Variants in KPNA6 observed in about 807,000 individuals in gnomAD.
KPNA6 encodes importin subunit alpha-7.
In KPNA6, 9 loss-of-function variants were observed where a neutral mutation model predicts 72.0. The ratio of observed to expected loss-of-function variants is 0.13; its 90% CI spans 0.08 to 0.22. The LOEUF (loss-of-function observed/expected upper bound fraction) is 0.22. Among genes scored for constraint, KPNA6 ranks in the 10% least tolerant of loss-of-function variants. The pLI is 1.00. For synonymous variants in KPNA6, 219 were observed against 242.1 expected (o/e 0.90, Z 0.89); for missense variants, 374 against 655.7 (o/e 0.57, Z 4.69).
intron 1 of KPNA6, among the ~76,000 whole-genome samples, chr1:32,116,296 T>C (rs1386785091): frequency 1.3e-5 from 2 of 151,466 alleles, no homozygotes; most frequent in Admixed American, 1.3e-4. Flanking sequence ...GCCTCCTGAG[T>C]AGCGCCCGGC....
Position 32,154,834 on chromosome 1 carries a change from A to G in KPNA6, c.138+113A>G, listed in dbSNP as rs1642107558. The G allele has an allele frequency of 3.9e-5, 42 of 1,085,976 alleles. No individual in the cohort carries two copies. In the South Asian group the frequency reaches 5.8e-4, roughly 15 times the overall value. 67.3% of individuals were successfully genotyped at this position (1,085,976 alleles called of 1,614,324 possible). ...TAGAAAAGTAGCTTACTAGGTGGGCATGGTGGCTCATGTCTGTAATCCCAG... is the reference window on the plus strand; with the variant it reads ...TAGAAAAGTAGCTTACTAGGTGGGCGTGGTGGCTCATGTCTGTAATCCCAG... On this transcript the variant is annotated intron_variant, in intron 2 of 13. Coordinates refer to ENST00000373625, the MANE Select transcript of KPNA6 (RefSeq NM_012316.5).
intron 1 of KPNA6, among the ~76,000 whole-genome samples, chr1:32,138,529 G>C (rs1018635564): frequency 7.2e-6 from 1 of 138,028 alleles, no homozygotes; most frequent in Admixed American, 7.7e-5. Context: ...GGCAACAAGA[G>C]CGAAACTCCA....
chr1:32,162,611 C>T (rs1257649415), intron 9 of KPNA6, 87 bp downstream of exon 9: 15 of 1,427,988 alleles, frequency 1.1e-5, no homozygotes, highest in South Asian at 3.5e-5. Flanking sequence ...CCAAGGTGGG[C>T]GGATCACAAG....
chr1:32,146,315 T>G (rs777533480), intron 1 of KPNA6, among the ~76,000 whole-genome samples: 2 of 152,198 alleles, frequency 1.3e-5, no homozygotes, highest in Non-Finnish European at 2.9e-5. Context: ...ATTGCATATG[T>G]TTTTTAATAG....
At chr1:32,150,785 C>T (rs945481266) in intron 1 of KPNA6, among the ~76,000 whole-genome samples, 3 of 152,138 alleles carry the variant, frequency 2.0e-5, no homozygotes, top group African/African-American at 7.2e-5. Flanking sequence ...TGCCACCAAG[C>T]TCAGCTAATT....
intron 1 of KPNA6, among the ~76,000 whole-genome samples, chr1:32,145,570 C>G (rs1641916196): frequency 6.6e-6 from 1 of 151,954 alleles, no homozygotes; most frequent in African/African-American, 2.4e-5. Flanking sequence ...AGTGATCTGC[C>G]CACCTCGGCC....
chr1:32,142,255 CAAA>C (rs763008502), intron 1 of KPNA6, among the ~76,000 whole-genome samples: 1,097 of 55,244 alleles, frequency 0.02, 11 homozygotes, highest in African/African-American at 0.073. Context: ...GACCCTGTCT[CAAA>C]AAAAAAAAAA....
At chr1:32,124,413 C>T (rs1429399658) in intron 1 of KPNA6, among the ~76,000 whole-genome samples, 1 of 151,440 alleles carries the variant, frequency 6.6e-6, no homozygotes, top group Admixed American at 6.6e-5. Context: ...AGATGGCTCA[C>T]GCCTATAATC....
chr1:32,158,179 G>A (rs1301727544), intron 4 of KPNA6, 88 bp from the exon 5 acceptor site: 7 of 780,584 alleles, frequency 9.0e-6, no homozygotes, highest in East Asian at 7.4e-5. Context: ...GTGGTCAGAA[G>A]TGTCTAAGAA....
Position 32,142,181 on chromosome 1 carries a change from C to G in KPNA6, c.5-12407C>G, listed in dbSNP as rs113010788. Among the ~76,000 whole-genome samples the G allele has an allele frequency of 4.7e-5, 7 of 147,842 alleles. No individual in the cohort carries two copies. The Admixed American group carries it at 4.8e-4, about 10-fold the overall frequency. On this transcript the variant is annotated intron_variant, in intron 1 of 13. Coordinates refer to ENST00000373625, the MANE Select transcript of KPNA6 (RefSeq NM_012316.5). Reference sequence around the variant, plus strand: ...TGAGGCAGGAGGATCGCTTGAACCCCGGAGACAGAGGTTGCAGGGAGCTGA... The same window carrying G: ...TGAGGCAGGAGGATCGCTTGAACCCGGGAGACAGAGGTTGCAGGGAGCTGA...
chr1:32,114,451 A>AAAAATATAT (rs982175711), intron 1 of KPNA6, among the ~76,000 whole-genome samples: 8 of 145,560 alleles, frequency 5.5e-5, no homozygotes, highest in African/African-American at 1.8e-4. Context: ...CAAAAAAAAA[A>AAAAATATAT]ATATATATAT....
intron 1 of KPNA6, among the ~76,000 whole-genome samples, chr1:32,152,553 G>A (rs1422832572): frequency 6.6e-6 from 1 of 151,878 alleles, no homozygotes; most frequent in African/African-American, 2.4e-5. Context: ...TAATATAGAA[G>A]TATAGTGTGG....
At chr1:32,113,816 C>G (rs189757200) in intron 1 of KPNA6, among the ~76,000 whole-genome samples, 43 of 152,148 alleles carry the variant, frequency 2.8e-4, no homozygotes, top group Non-Finnish European at 6.0e-4. Context: ...TTTGCCCACC[C>G]GTAAGAATAG....
At chr1:32,166,322 C>G (rs1025552544) in intron 11 of KPNA6, 92 bp downstream of exon 11, 47 of 1,464,900 alleles carry the variant, frequency 3.2e-5, no homozygotes, top group Admixed American at 2.6e-4. Flanking sequence ...GAATTTGTTT[C>G]CCTTTAAAAA....
chr1:32,156,528 C>T lies in KPNA6; in HGVS notation c.139-325C>T, dbSNP rs1030670778. 3.4e-4 allele frequency among the ~76,000 whole-genome samples: 52 copies of T among 152,170 alleles called. 1 individual carries two copies. The highest frequency in any genetic ancestry group is 1.1e-3 in the African/African-American group (45 of 41,422). On this transcript the variant is annotated intron_variant, in intron 2 of 13. Coordinates refer to ENST00000373625, the MANE Select transcript of KPNA6 (RefSeq NM_012316.5). ...CAGCGTATACAGCATGGAATGGATG[C>T]ACTGGACAAAGGATGTTCACATCCT...
intron 1 of KPNA6, among the ~76,000 whole-genome samples, chr1:32,131,271 C>T (rs974072015): frequency 1.5e-4 from 23 of 152,274 alleles, no homozygotes; most frequent in African/African-American, 5.3e-4. Flanking sequence ...TCCCGCTGGG[C>T]GACAAGAGCG....
intron 1 of KPNA6, among the ~76,000 whole-genome samples, chr1:32,113,052 A>T (rs1641266862): frequency 6.6e-6 from 1 of 152,114 alleles, no homozygotes; most frequent in South Asian, 2.1e-4. Context: ...AATTAGAGTC[A>T]GTACTCTCAA....
In KPNA6 at chr1:32,176,202, A is replaced by C. The variant is rs1642524919; in HGVS notation, c.*5308A>C. 6.6e-6 allele frequency: 1 copy of C among 152,130 alleles called. No homozygotes were observed. The highest frequency in any genetic ancestry group is 6.6e-5 in the Admixed American group (1 of 15,260). The allele number at this position is 152,130 out of a possible 1,614,324, so 9.4% of individuals were successfully genotyped here. A position where few individuals can be genotyped will look rare whatever the true frequency, so the allele number is the denominator to read the frequency against. ...TGCCTTTGACCTATTAAAGAAGGAA[A>C]GTGGGTAATGGAGTCCCAGCCACTC... On this transcript the variant is annotated 3_prime_UTR_variant, in exon 14 of 14. Transcript: ENST00000373625.
chr1:32,126,302 C>G (rs1463243024), intron 1 of KPNA6, among the ~76,000 whole-genome samples: 1 of 148,146 alleles, frequency 6.8e-6, no homozygotes, highest in East Asian at 2.0e-4. Context: ...CCCCACCCCC[C>G]ATTTGAGGTA....
Sources: allele counts gnomAD v4.1 joint callset (sites outside exome capture counted in the v4.1 genomes callset), GRCh38; gene constraint gnomAD v4.1.1; transcripts MANE v1.5; gene names NCBI Gene and HGNC (gene_info 2026-07-23, HGNC 2026-07-21).